Variants in PHKB observed in about 807,000 individuals in gnomAD.
PHKB encodes the protein phosphorylase b kinase regulatory subunit beta.
PHKB carries 122 observed loss-of-function variants against 152.1 expected under a neutral mutation model. The ratio of observed to expected loss-of-function variants is 0.80; its 90% CI spans 0.69 to 0.93. The LOEUF (loss-of-function observed/expected upper bound fraction) is 0.93. Among genes scored for constraint, PHKB ranks in the 40% least tolerant of loss-of-function variants. PHKB has a pLI of 0.00. For synonymous variants in PHKB, 436 were observed against 464.9 expected (o/e 0.94, Z 0.80); for missense variants, 1,304 against 1,328.4 (o/e 0.98, Z 0.29).
At chr16:47,665,964 A>G (rs970716918) in intron 25 of PHKB, 2 of 1,613,840 alleles carry the variant, frequency 1.2e-6, no homozygotes, top group African/African-American at 2.7e-5. Context: ...CCGTGCAGCA[A>G]GTCTTTTAAG....
intron 26 of PHKB, among the ~76,000 whole-genome samples, chr16:47,673,274 G>T (rs1020185429): frequency 6.6e-6 from 1 of 152,030 alleles, no homozygotes; most frequent in Admixed American, 6.6e-5. Flanking sequence ...TTAACATACG[G>T]TATATAAGCA....
At chr16:47,599,071 A>T in intron 13 of PHKB, 1 of 593,998 alleles carries the variant, frequency 1.7e-6, no homozygotes, top group Non-Finnish European at 3.0e-6. Flanking sequence ...TGGGAAGGTT[A>T]TCTCTGGTTA....
intron 7 of PHKB, among the ~76,000 whole-genome samples, chr16:47,557,364 A>G (rs1422322386): frequency 6.6e-6 from 1 of 152,252 alleles, no homozygotes; most frequent in African/African-American, 2.4e-5. Flanking sequence ...AATGGCAACA[A>G]AAGCCAAAAT....
At chr16:47,674,108 T>C (rs1973684150) in intron 26 of PHKB, among the ~76,000 whole-genome samples, 1 of 152,186 alleles carries the variant, frequency 6.6e-6, no homozygotes, top group Non-Finnish European at 1.5e-5. Flanking sequence ...TTATGATCCA[T>C]ATTGTATTCA....
intron 6 of PHKB, among the ~76,000 whole-genome samples, chr16:47,530,237 G>A (rs1970838486): frequency 6.7e-6 from 1 of 149,084 alleles, no homozygotes; most frequent in Non-Finnish European, 1.5e-5. Context: ...CTGAGTTCAA[G>A]TAATTTTCAT....
At chr16:47,472,051 G>A (rs534927571) in intron 1 of PHKB, among the ~76,000 whole-genome samples, 28 of 152,198 alleles carry the variant, frequency 1.8e-4, no homozygotes, top group Admixed American at 5.9e-4. Flanking sequence ...GAGAGACTCC[G>A]TCTCAAAAAA....
At chr16:47,530,670 A>G (rs575599708) in intron 6 of PHKB, among the ~76,000 whole-genome samples, 56 of 152,368 alleles carry the variant, frequency 3.7e-4, no homozygotes, top group African/African-American at 1.3e-3. Context: ...GAGAGCAATA[A>G]TTTTATCTAT....
chr16:47,609,018 A>G (rs1262167002), intron 13 of PHKB, among the ~76,000 whole-genome samples: 1 of 152,142 alleles, frequency 6.6e-6, no homozygotes, highest in Non-Finnish European at 1.5e-5. Flanking sequence ...ATTGAGTGTG[A>G]GTGTGATATT....
At chr16:47,639,577 T>C (rs1597142620) in intron 14 of PHKB, among the ~76,000 whole-genome samples, 1 of 152,158 alleles carries the variant, frequency 6.6e-6, no homozygotes, top group Non-Finnish European at 1.5e-5. Flanking sequence ...CTCAGTATGA[T>C]TCAACATGTA....
intron 17 of PHKB, 102 bp from the exon 18 acceptor site, chr16:47,648,998 A>G: frequency 1.3e-6 from 1 of 748,400 alleles, no homozygotes; most frequent in South Asian, 1.5e-5. Context: ...GTGCTTATTC[A>G]GAATTAGACA....
In PHKB at chr16:47,470,902, G is replaced by A. The variant is rs558212239; in HGVS notation, c.76+9476G>A. Among the ~76,000 whole-genome samples the A allele has an allele frequency of 3.9e-5, 6 of 152,278 alleles. No individual in the cohort carries two copies. In the South Asian group the frequency reaches 1.2e-3, roughly 32 times the overall value. On this transcript the variant is annotated intron_variant, in intron 1 of 30. Transcript: ENST00000323584. ...ATGGAATTTATGCAGAACTCAAGGC[G>A]ACCAGTGCTTTTGTATACATTCACT... is the stretch of plus-strand genomic sequence containing the variant.
chr16:47,595,915 A>G (rs940526769), intron 12 of PHKB, among the ~76,000 whole-genome samples: 1 of 152,166 alleles, frequency 6.6e-6, no homozygotes. Context: ...TGCCTCCTGT[A>G]TAAGAATTCT....
chr16:47,650,714 T>G, intron 19 of PHKB, 88 bp downstream of exon 19: 1 of 1,252,796 alleles, frequency 8.0e-7, no homozygotes, highest in Admixed American at 1.7e-5. Context: ...TGGATGTTTT[T>G]GTATCCTTCT....
intron 1 of PHKB, among the ~76,000 whole-genome samples, chr16:47,483,093 C>G (rs2151634730): frequency 7.7e-6 from 1 of 129,398 alleles, no homozygotes; most frequent in African/African-American, 2.9e-5. Context: ...GGCTGGAGTG[C>G]AGTGGCGTGA....
intron 14 of PHKB, among the ~76,000 whole-genome samples, chr16:47,616,790 C>A (rs985382543): frequency 2.6e-5 from 4 of 151,600 alleles, no homozygotes; most frequent in African/African-American, 9.7e-5. Flanking sequence ...AGTGGGAAAT[C>A]AGGGATCTCA....
chr16:47,557,025 C>T (rs574504889), intron 7 of PHKB, among the ~76,000 whole-genome samples: 2 of 152,260 alleles, frequency 1.3e-5, no homozygotes, highest in Admixed American at 1.3e-4. Context: ...GGAATTTATC[C>T]ATTTCAGAAA....
At chr16:47,535,049 C>T (rs1281468393) in intron 6 of PHKB, among the ~76,000 whole-genome samples, 1 of 152,146 alleles carries the variant, frequency 6.6e-6, no homozygotes, top group South Asian at 2.1e-4. Flanking sequence ...TTACGCAAAG[C>T]TTTGTTGTTC....
chr16:47,577,351 A>G (rs975375554), intron 7 of PHKB, among the ~76,000 whole-genome samples: 1 of 152,168 alleles, frequency 6.6e-6, no homozygotes, highest in African/African-American at 2.4e-5. Context: ...ATTTAGAATC[A>G]TATCAGACAG....
chr16:47,572,642 C>T (rs1219340589), intron 7 of PHKB, among the ~76,000 whole-genome samples: 1 of 152,148 alleles, frequency 6.6e-6, no homozygotes, highest in Non-Finnish European at 1.5e-5. Context: ...CTCATAAGGG[C>T]AGGTTCAAGC....
Sources: allele counts gnomAD v4.1 joint callset (sites outside exome capture counted in the v4.1 genomes callset), GRCh38; gene constraint gnomAD v4.1.1; transcripts MANE v1.5; gene names NCBI Gene and HGNC (gene_info 2026-07-23, HGNC 2026-07-21).